The following ZNF558 variants were observed in gnomAD, a reference collection of about 807,000 sequenced individuals.
ZNF558 encodes zinc finger protein 558.
A neutral mutation model predicts 37.6 loss-of-function variants in ZNF558; 23 were observed. The observed-to-expected ratio is 0.61, with a 90% confidence interval of 0.44 to 0.87. The LOEUF (loss-of-function observed/expected upper bound fraction) is 0.87, where lower values mean the gene tolerates loss of function less well. ZNF558 is among the 40% of genes least tolerant of loss of function. The pLI, the probability that ZNF558 is intolerant of heterozygous loss-of-function variation, is 0.00. For missense variants in ZNF558, 429 were observed against 483.7 expected, an observed-to-expected ratio of 0.89 and a Z score of 1.06; for synonymous variants, 189 against 174.4, an observed-to-expected ratio of 1.08 and a Z score of -0.66.
At position 8,812,073 on chromosome 19, in the gene ZNF558, A is replaced by C; in HGVS notation, c.427-10T>G. ...CACGATGACTTCTTTCCTGTGGATT[A>C]AGAGATGAATGATAACTATAATTTA... On this transcript the variant is annotated splice_polypyrimidine_tract_variant and intron_variant, in intron 9 of 9. Transcript: ENST00000601372. The C allele has an allele frequency of 6.5e-7, 1 of 1,535,360 alleles. No homozygotes were observed. The highest frequency in any genetic ancestry group is 8.7e-7 in the Non-Finnish European group (1 of 1,145,876).
chr19:8,826,775 G>C (rs1429078172), intron 2 of ZNF558, among the ~76,000 whole-genome samples: 9 of 152,192 alleles, frequency 5.9e-5, no homozygotes, highest in African/African-American at 2.2e-4. Context: ...GAGGATAAAT[G>C]TGTGTTGTTT....
At chr19:8,827,041 A>T (rs2145293378) in intron 2 of ZNF558, among the ~76,000 whole-genome samples, 1 of 152,264 alleles carries the variant, frequency 6.6e-6, no homozygotes, top group South Asian at 2.1e-4. Flanking sequence ...CCTCCAAGAA[A>T]AAAACAAGTA....
chr19:8,819,905 C>T (rs2044039957), intron 7 of ZNF558, among the ~76,000 whole-genome samples: 1 of 152,194 alleles, frequency 6.6e-6, no homozygotes, highest in African/African-American at 2.4e-5. Context: ...CGTGCTGCGC[C>T]ACTGCACTCC....
At position 8,807,881 on chromosome 19, in the gene ZNF558, T is replaced by G. The variant is rs1357403175; in HGVS notation, c.*3400A>C. On this transcript the variant is annotated 3_prime_UTR_variant, in exon 10 of 10. Transcript: ENST00000601372. ...CTCCGTTAATAGGGTAGTGGTTAAG[T>G]GCATGGACTGTCTGGGTTCAGATCT... The G allele has an allele frequency of 2.6e-5, 4 of 152,188 alleles. No homozygotes were observed. The highest frequency in any genetic ancestry group is 9.7e-5 in the African/African-American group (4 of 41,440). The allele number at this position is 152,188 out of a possible 1,614,324, so 9.4% of individuals were successfully genotyped here. A position where few individuals can be genotyped will look rare whatever the true frequency, so the allele number is the denominator to read the frequency against.
At position 8,822,575 on chromosome 19, in the gene ZNF558, G is replaced by A. The variant is rs200383235; in HGVS notation, c.31+54C>T. 1.9e-6 allele frequency: 3 copies of A among 1,613,130 alleles called. No homozygotes were observed. The highest frequency in any genetic ancestry group is 3.3e-5 in the Admixed American group (2 of 59,986). ...AACCCCGCTCGTGTCCCATGCTGTGGGTCAGAACCTTTCAAGGCTGGACTC... is the reference window on the plus strand; with the variant it reads ...AACCCCGCTCGTGTCCCATGCTGTGAGTCAGAACCTTTCAAGGCTGGACTC... On this transcript the variant is annotated intron_variant, in intron 5 of 9. Coordinates refer to ENST00000601372, the MANE Select transcript of ZNF558 (RefSeq NM_144693.3). The surrounding 1 kb of genome is among the most constrained non-coding windows in gnomAD (Gnocchi z 4.4).
chr19:8,813,436 G>A (rs1430139902), intron 7 of ZNF558, among the ~76,000 whole-genome samples: 1 of 152,142 alleles, frequency 6.6e-6, no homozygotes, highest in Non-Finnish European at 1.5e-5. Flanking sequence ...TCGGCTCACT[G>A]CAACCTCTGC....
chr19:8,811,478 G>A lies in ZNF558; in HGVS notation c.1012C>T (p.His338Tyr), dbSNP rs782268927. 6.2e-7 allele frequency: 1 copy of A among 1,614,108 alleles called. No individual in the cohort carries two copies. Reference sequence around the variant, plus strand: ...TTCTCTCCGGTATGTATTCTCTTGTGCACAGTAAGAGAAAAGCTACTGCTG... The same window carrying A: ...TTCTCTCCGGTATGTATTCTCTTGTACACAGTAAGAGAAAAGCTACTGCTG... Reference protein sequence around the residue: ...SFSSSFSLTVHKRIHTGEKPY... With the variant: ...SFSSSFSLTVYKRIHTGEKPY... Residue 338 changes from histidine (H) to tyrosine (Y), a missense_variant, in exon 10 of 10, where the codon CAC becomes TAC. Transcript: ENST00000601372.
At chr19:8,813,359 CT>C (rs146501903) in intron 7 of ZNF558, 137 bp from the exon 8 acceptor site, 10 of 672,196 alleles carry the variant, frequency 1.5e-5, no homozygotes, top group African/African-American at 3.7e-5. Context: ...TAATTCTTTT[CT>C]TTTTTTTATT....
At chr19:8,819,263 C>T (rs929171440) in intron 7 of ZNF558, among the ~76,000 whole-genome samples, 8 of 152,178 alleles carry the variant, frequency 5.3e-5, no homozygotes, top group Admixed American at 5.2e-4. Flanking sequence ...TCACTACAAC[C>T]TCTGCCTCCC....
At chr19:8,821,101 A>T in intron 7 of ZNF558, 79 bp downstream of exon 7, 1 of 1,550,228 alleles carries the variant, frequency 6.5e-7, no homozygotes, top group Non-Finnish European at 8.7e-7. Flanking sequence ...GGATTTTACC[A>T]CAATAAAAAA....
At chr19:8,820,492 G>C (rs148805483) in intron 7 of ZNF558, among the ~76,000 whole-genome samples, 1 of 151,724 alleles carries the variant, frequency 6.6e-6, no homozygotes, top group Non-Finnish European at 1.5e-5. Flanking sequence ...TTTTTGTTTT[G>C]TTTTTTTTGA....
chr19:8,828,091 C>T (rs376396468), intron 2 of ZNF558, among the ~76,000 whole-genome samples: 1 of 152,204 alleles, frequency 6.6e-6, no homozygotes, highest in Non-Finnish European at 1.5e-5. Context: ...TTTCAGGGGC[C>T]TGTGAACCCC....
upstream of ZNF558, among the ~76,000 whole-genome samples, chr19:8,835,605 T>C (rs1220785606): frequency 2.6e-5 from 4 of 152,318 alleles, no homozygotes; most frequent in African/African-American, 9.6e-5. Flanking sequence ...GCACCCACTT[T>C]GCAAAATAGT....
chr19:8,824,455 T>C (rs1235264847), intron 3 of ZNF558, 38 bp from the exon 4 acceptor site: 3 of 152,244 alleles, frequency 2.0e-5, no homozygotes, highest in Non-Finnish European at 4.4e-5. Context: ...TACATGGTCA[T>C]TGTTTCAAGT....
chr19:8,827,634 T>C (rs2910369), intron 2 of ZNF558, among the ~76,000 whole-genome samples: 130,930 of 146,966 alleles, frequency 0.89, 58,339 homozygotes, highest in Middle Eastern at 0.94. Context: ...AATGCAGTGG[T>C]GCAATCTCTG....
At chr19:8,815,208 T>C (rs931164262) in intron 7 of ZNF558, among the ~76,000 whole-genome samples, 4 of 151,966 alleles carry the variant, frequency 2.6e-5, no homozygotes, top group Non-Finnish European at 5.9e-5. Flanking sequence ...TAAAATCTGC[T>C]AAAAGATGTA....
chr19:8,812,163 A>C, intron 9 of ZNF558, 100 bp from the exon 10 acceptor site: 4 of 1,158,588 alleles, frequency 3.5e-6, no homozygotes, highest in Non-Finnish European at 4.6e-6. Flanking sequence ...TTACATTATT[A>C]TAATTGATAT....
Position 8,811,712 on chromosome 19 carries a change from C to A in ZNF558, c.778G>T (p.Gly260Trp). 1 of 1,614,072 alleles carries A rather than the reference C, an allele frequency of 6.2e-7. No homozygotes were observed. The highest frequency in any genetic ancestry group is 8.5e-7 in the Non-Finnish European group (1 of 1,180,016). Residue 260 changes from glycine (G) to tryptophan (W), a missense_variant, in exon 10 of 10, where the codon GGG (glycine) becomes TGG (tryptophan). Gly to Trp is a radical substitution (Grantham distance 184). Coordinates refer to ENST00000601372, the MANE Select transcript of ZNF558 (RefSeq NM_144693.3). ...NLKSHKRIHT[G>W]ENHHECNQCG... is the part of the protein sequence containing the mutation. ...TGATTACATTCATGGTGATTCTCCC[C>A]CGTGTGAATCCTCTTGTGGCTTTTG...
intron 2 of ZNF558, chr19:8,830,850 G>C (rs755348509): frequency 6.6e-6 from 1 of 151,700 alleles, no homozygotes; most frequent in Non-Finnish European, 1.5e-5. Flanking sequence ...AGCCAAGATC[G>C]CGCCACTGCA....
Sources: allele counts gnomAD v4.1 joint callset (sites outside exome capture counted in the v4.1 genomes callset), GRCh38; gene constraint gnomAD v4.1.1; non-coding constraint Gnocchi (gnomAD v3.1); transcripts MANE v1.5; gene names NCBI Gene and HGNC (gene_info 2026-07-23, HGNC 2026-07-21).